Variants in GALNT13 observed in about 807,000 individuals in gnomAD.
GALNT13 encodes the protein polypeptide N-acetylgalactosaminyltransferase 13.
GALNT13 carries 28 observed loss-of-function variants against 64.2 expected under a neutral mutation model. The observed-to-expected ratio is 0.44, with a 90% CI of 0.32 to 0.60. The LOEUF is 0.60. Ranked by LOEUF, GALNT13 falls within the 20% of genes least tolerant of loss-of-function variation. The pLI, the probability that GALNT13 is intolerant of heterozygous loss-of-function variation, is 0.05. For missense variants in GALNT13, 577 were observed against 669.8 expected (o/e 0.86, Z 1.53); for synonymous variants, 214 against 224.6 (o/e 0.95, Z 0.42).
At chr2:153,996,591 C>A (rs181820003) in intron 3 of GALNT13, among the ~76,000 whole-genome samples, 8 of 152,156 alleles carry the variant, frequency 5.3e-5, no homozygotes, top group African/African-American at 1.9e-4. Flanking sequence ...TTGTCAGATG[C>A]ATAGTTTGCA....
the GALNT13 span, among the ~76,000 whole-genome samples, chr2:153,099,627 A>G: frequency 1.3e-5 from 2 of 152,224 alleles, no homozygotes; most frequent in Non-Finnish European, 2.9e-5. Context: ...GAAATACTGT[A>G]CTATGCAAGA....
the GALNT13 span, among the ~76,000 whole-genome samples, chr2:153,819,436 G>C: frequency 6.6e-6 from 1 of 152,148 alleles, no homozygotes; most frequent in East Asian, 1.9e-4. Context: ...AACCAGTGCA[G>C]CTCCCTCACT....
At chr2:154,361,630 A>C (rs1294793545) in intron 9 of GALNT13, among the ~76,000 whole-genome samples, 1 of 152,096 alleles carries the variant, frequency 6.6e-6, no homozygotes, top group East Asian at 1.9e-4. Flanking sequence ...TTTAGTGTAA[A>C]GTGCTTAGCC....
the GALNT13 span, among the ~76,000 whole-genome samples, chr2:153,283,594 G>A: frequency 1.3e-5 from 2 of 152,102 alleles, no homozygotes; most frequent in Non-Finnish European, 2.9e-5. Flanking sequence ...GCATGGAGTG[G>A]AGAGGGCCCC....
At chr2:153,363,925 G>GA in the GALNT13 span, among the ~76,000 whole-genome samples, 1 of 152,018 alleles carries the variant, frequency 6.6e-6, no homozygotes, top group Non-Finnish European at 1.5e-5. Flanking sequence ...ACCTGGCAGA[G>GA]ACACAACAAA....
At chr2:153,847,631 A>AC in the GALNT13 span, among the ~76,000 whole-genome samples, 12 of 152,142 alleles carry the variant, frequency 7.9e-5, no homozygotes, top group Non-Finnish European at 1.6e-4. Context: ...CCAGGAGTAA[A>AC]AAAAAAATGT....
chr2:153,605,642 T>C, the GALNT13 span, among the ~76,000 whole-genome samples: 1 of 152,082 alleles, frequency 6.6e-6, no homozygotes, highest in Non-Finnish European at 1.5e-5. Flanking sequence ...AGACTTTACT[T>C]TTACCTAGAG....
intron 7 of GALNT13, among the ~76,000 whole-genome samples, chr2:154,250,105 A>G (rs1355013126): frequency 6.6e-6 from 1 of 152,104 alleles, no homozygotes; most frequent in Non-Finnish European, 1.5e-5. Context: ...AAAATGGAAA[A>G]TTATTCTCCC....
At chr2:154,021,375 C>A (rs6719742) in intron 3 of GALNT13, among the ~76,000 whole-genome samples, 152,142 of 152,222 alleles carry the variant, frequency 1, 76,032 homozygotes, top group Middle Eastern at 1. Flanking sequence ...CTTGTATTTC[C>A]TTGAGCAGTG....
chr2:153,903,249 T>TA (rs947826164), intron 2 of GALNT13, among the ~76,000 whole-genome samples: 21 of 151,222 alleles, frequency 1.4e-4, no homozygotes, highest in East Asian at 7.8e-4. Flanking sequence ...GATAGAGTGG[T>TA]AAAAAAAAAG....
At chr2:153,497,544 T>A in the GALNT13 span, among the ~76,000 whole-genome samples, 6 of 126,360 alleles carry the variant, frequency 4.7e-5, no homozygotes, top group Admixed American at 7.9e-5. Flanking sequence ...TTTTTTTTTT[T>A]TTTTTTTTTT....
the GALNT13 span, among the ~76,000 whole-genome samples, chr2:153,620,439 A>G: frequency 1.5e-4 from 23 of 151,748 alleles, no homozygotes; most frequent in South Asian, 6.2e-4. Context: ...GGCATTCTTA[A>G]TTGCTTTTTG....
chr2:154,280,586 A>G (rs1691911224), intron 8 of GALNT13, among the ~76,000 whole-genome samples: 1 of 152,230 alleles, frequency 6.6e-6, no homozygotes, highest in South Asian at 2.1e-4. Context: ...GGAGAGACTG[A>G]AGGAAAACTT....
the GALNT13 span, among the ~76,000 whole-genome samples, chr2:153,401,280 G>A: frequency 1.3e-5 from 2 of 151,762 alleles, no homozygotes; most frequent in South Asian, 4.2e-4. Flanking sequence ...ATTGCACTGT[G>A]GTCTGAGAGA....
At chr2:153,085,878 A>G in the GALNT13 span, among the ~76,000 whole-genome samples, 27 of 152,272 alleles carry the variant, frequency 1.8e-4, no homozygotes, top group Middle Eastern at 6.8e-3. Flanking sequence ...GGAAAGCCAC[A>G]GATACTCAAT....
chr2:153,299,951 G>T, the GALNT13 span, among the ~76,000 whole-genome samples: 1 of 152,080 alleles, frequency 6.6e-6, no homozygotes, highest in Non-Finnish European at 1.5e-5. Flanking sequence ...TCATCCCGTG[G>T]TGCCGAGTAC....
At chr2:154,181,028 G>T (rs1685931403) in intron 4 of GALNT13, among the ~76,000 whole-genome samples, 1 of 152,142 alleles carries the variant, frequency 6.6e-6, no homozygotes, top group Non-Finnish European at 1.5e-5. Flanking sequence ...CCATAGGAAA[G>T]AGCCAACTTT....
chr2:153,255,301 T>A, the GALNT13 span, among the ~76,000 whole-genome samples: 22 of 141,094 alleles, frequency 1.6e-4, no homozygotes, highest in Admixed American at 1.2e-3. Flanking sequence ...CCCCTGCCTT[T>A]TTTTGTTTTC....
chr2:153,466,295 T>C, the GALNT13 span, among the ~76,000 whole-genome samples: 1 of 152,048 alleles, frequency 6.6e-6, no homozygotes, highest in African/African-American at 2.4e-5. Context: ...TAAATAAATG[T>C]AATCCCCCCT....
Sources: allele counts gnomAD v4.1 joint callset (sites outside exome capture counted in the v4.1 genomes callset), GRCh38; gene constraint gnomAD v4.1.1; transcripts MANE v1.5; gene names NCBI Gene and HGNC (gene_info 2026-07-23, HGNC 2026-07-21).